GNG7: variants seen among roughly 807,000 people sequenced by gnomAD.
The protein encoded by GNG7 is G protein subunit gamma 7.
A neutral mutation model predicts 4.0 loss-of-function variants in GNG7; 1 was observed. The observed-to-expected ratio is 0.25, with a 90% CI of 0.09 to 1.18. The LOEUF (loss-of-function observed/expected upper bound fraction) is 1.18, where lower values mean the gene tolerates loss of function less well. GNG7 is among the 50% of genes most tolerant of loss of function. The probability of loss-of-function intolerance (pLI) is 0.50; values close to 1 mark genes in which losing one functional copy is unlikely to be tolerated. For synonymous variants in GNG7, 34 were observed against 36.9 expected (o/e 0.92, Z 0.29); for missense variants, 86 against 91.9 (o/e 0.94, Z 0.26).
At chr19:2,568,099 T>A (rs35977511) in intron 2 of GNG7, among the ~76,000 whole-genome samples, 47,090 of 124,850 alleles carry the variant, frequency 0.38, 8,388 homozygotes, top group Middle Eastern at 0.5. Flanking sequence ...ACACACACAC[T>A]TACACACATG....
intron 1 of GNG7, among the ~76,000 whole-genome samples, chr19:2,673,549 C>T (rs577201630): frequency 5.9e-5 from 9 of 151,806 alleles, no homozygotes; most frequent in African/African-American, 2.2e-4. Context: ...AAAAATTAGC[C>T]GTGCAGGGTG....
In GNG7 at chr19:2,606,667, ATT is replaced by A. The variant is rs1491063965; in HGVS notation, c.-78+39555_-78+39556del. The stretch of plus-strand genomic sequence containing the variant: ...TGAAACTCTGTCTCAAAAAAAAATA[ATT>A]AATTAATTAATTAATTAATTAATTT... On this transcript the variant is annotated intron_variant, in intron 2 of 4. Coordinates refer to ENST00000382159, the MANE Select transcript of GNG7 (RefSeq NM_052847.3). Among the ~76,000 whole-genome samples the A allele has an allele frequency of 1.8e-3, 162 of 90,708 alleles. 2 individuals carry two copies. Among genetic ancestry groups the A allele is most frequent in the African/African-American group, 5.3e-3 (155 of 29,088 alleles). The allele number at this position is 90,708 out of a possible 152,430, so 59.5% of individuals were successfully genotyped here. A position where few individuals can be genotyped will look rare whatever the true frequency, so the allele number is the denominator to read the frequency against.
chr19:2,690,215 C>T (rs894930378), intron 1 of GNG7, among the ~76,000 whole-genome samples: 1 of 151,910 alleles, frequency 6.6e-6, no homozygotes, highest in African/African-American at 2.4e-5. Flanking sequence ...AACCCCATCT[C>T]TACTAAAAAT....
intron 2 of GNG7, chr19:2,632,508 A>ACG (rs1249076341): frequency 6.6e-6 from 1 of 151,090 alleles, no homozygotes; most frequent in East Asian, 1.9e-4. Flanking sequence ...ACACACACAC[A>ACG]CACGCACACA....
At chr19:2,592,744 G>GGAAGGGGAGA (rs1314390098) in intron 2 of GNG7, among the ~76,000 whole-genome samples, 3 of 139,562 alleles carry the variant, frequency 2.1e-5, no homozygotes, top group Admixed American at 7.4e-5. Context: ...GGGAAGGAAG[G>GGAAGGGGAGA]GGAGGGGAGG....
chr19:2,617,730 T>A lies in GNG7; in HGVS notation c.-78+28494A>T, dbSNP rs561624644. The stretch of plus-strand genomic sequence containing the variant: ...TTTGTCTTTTCCTTTTTATTTTTTT[T>A]TTTTTTGAGATAGGGTCTTGCTCTG... On this transcript the variant is annotated intron_variant, in intron 2 of 4. Coordinates refer to ENST00000382159, the MANE Select transcript of GNG7 (RefSeq NM_052847.3). The surrounding 1 kb of genome is among the most constrained non-coding windows in gnomAD (Gnocchi z 4.7). 6.6e-5 allele frequency among the ~76,000 whole-genome samples: 10 copies of A among 152,026 alleles called. No homozygotes were observed. The highest frequency in any genetic ancestry group is 3.3e-4 in the Admixed American group (5 of 15,268).
chr19:2,685,121 T>A (rs1983839500), intron 1 of GNG7, among the ~76,000 whole-genome samples: 1 of 147,378 alleles, frequency 6.8e-6, no homozygotes, highest in Admixed American at 6.7e-5. Context: ...CGAGACTCTG[T>A]CTAAAAAAAA....
Position 2,598,582 on chromosome 19 carries a change from A to G in GNG7, c.-77-43394T>C, listed in dbSNP as rs867578829. 1.2e-3 allele frequency among the ~76,000 whole-genome samples: 187 copies of G among 151,742 alleles called. 1 individual carries two copies. Among genetic ancestry groups the G allele is most frequent in the African/African-American group, 3.8e-3 (159 of 41,450 alleles). On this transcript the variant is annotated intron_variant, in intron 2 of 4. Coordinates refer to ENST00000382159, the MANE Select transcript of GNG7 (RefSeq NM_052847.3). ...TGAGGCAGGAGAATGGTGTGAACCC[A>G]GGAGGCAGAGCTTGCAGTGAGCTGA...
intron 2 of GNG7, among the ~76,000 whole-genome samples, chr19:2,628,238 C>T (rs1252209375): frequency 6.6e-6 from 1 of 152,166 alleles, no homozygotes; most frequent in Non-Finnish European, 1.5e-5. Flanking sequence ...TCTTATAAGC[C>T]TAAAATCAAG....
chr19:2,608,454 G>C (rs73918097), intron 2 of GNG7, among the ~76,000 whole-genome samples: 7,570 of 152,256 alleles, frequency 0.05, 640 homozygotes, highest in African/African-American at 0.17. Context: ...CCTCGGTGCA[G>C]CTCCCCTGCA....
At chr19:2,551,793 T>C (rs1041460949) in intron 3 of GNG7, among the ~76,000 whole-genome samples, 12 of 151,920 alleles carry the variant, frequency 7.9e-5, no homozygotes, top group Non-Finnish European at 1.5e-4. Context: ...AAGTGAGTTT[T>C]CTGCCTCAGC....
At chr19:2,528,269 T>TAA (rs59084924) in intron 3 of GNG7, among the ~76,000 whole-genome samples, 1,671 of 78,722 alleles carry the variant, frequency 0.021, 55 homozygotes, top group Middle Eastern at 0.055. Context: ...AGACCCTGTC[T>TAA]AAAAAAAAAA....
chr19:2,592,228 G>A (rs143378955), intron 2 of GNG7, among the ~76,000 whole-genome samples: 40 of 152,046 alleles, frequency 2.6e-4, no homozygotes, highest in Non-Finnish European at 5.3e-4. Flanking sequence ...ACACAAGAAC[G>A]CGCTAACTAA....
chr19:2,565,841 G>A (rs2144774161), intron 2 of GNG7, among the ~76,000 whole-genome samples: 1 of 152,246 alleles, frequency 6.6e-6, no homozygotes, highest in South Asian at 2.1e-4. Context: ...GGGACGGGCG[G>A]AATGATGTGT....
At chr19:2,682,913 A>G (rs1488755069) in intron 1 of GNG7, among the ~76,000 whole-genome samples, 1 of 151,900 alleles carries the variant, frequency 6.6e-6, no homozygotes, top group East Asian at 2.0e-4. Context: ...ACTGCATTCT[A>G]GAAGATTCCA....
chr19:2,534,364 T>C (rs1433011222), intron 3 of GNG7, among the ~76,000 whole-genome samples: 1 of 152,182 alleles, frequency 6.6e-6, no homozygotes, highest in Non-Finnish European at 1.5e-5. Context: ...GAAAATGCAG[T>C]TGAATCTGTT....
rs575713267 is a variant in GNG7 at position 2,620,771 on chromosome 19, G to T, written c.-78+25453C>A. ...CAGGAGAATTGCTTGAACCCGGGAA[G>T]TGGAGGTTGCAGTGAGCCGAAATCG... On this transcript the variant is annotated intron_variant, in intron 2 of 4. Coordinates refer to ENST00000382159, the MANE Select transcript of GNG7 (RefSeq NM_052847.3). Among the ~76,000 whole-genome samples the T allele has an allele frequency of 1.4e-4, 21 of 152,206 alleles. 1 individual carries two copies. The South Asian group carries it at 4.1e-3, about 30-fold the overall frequency.
chr19:2,686,402 C>T (rs1048323297), intron 1 of GNG7, among the ~76,000 whole-genome samples: 1 of 152,190 alleles, frequency 6.6e-6, no homozygotes, highest in African/African-American at 2.4e-5. Flanking sequence ...AGGTGATCCA[C>T]CCACCTCGGC....
At chr19:2,565,669 C>A (rs1979883773) in intron 2 of GNG7, among the ~76,000 whole-genome samples, 1 of 152,148 alleles carries the variant, frequency 6.6e-6, no homozygotes, top group Non-Finnish European at 1.5e-5. Context: ...AGAGGCCCAT[C>A]CCACCCGGAA....
Sources: gnomAD v4.1 joint callset for allele counts (sites outside exome capture counted in the v4.1 genomes callset) on GRCh38, gnomAD v4.1.1 for gene constraint, Gnocchi (gnomAD v3.1) non-coding constraint, MANE v1.5 for transcripts, NCBI Gene and HGNC (gene_info 2026-07-23, HGNC 2026-07-21) for gene names.